Variants in ARHGAP20 observed in about 807,000 individuals in gnomAD.
The protein encoded by ARHGAP20 is Rho GTPase activating protein 20.
Under a neutral mutation model 73.7 loss-of-function variants are expected in ARHGAP20, and 34 were observed. That is an observed-to-expected ratio of 0.46 (90% confidence interval 0.35 to 0.61). The LOEUF (loss-of-function observed/expected upper bound fraction) is 0.61, where lower values mean the gene tolerates loss of function less well. Ranked by LOEUF, ARHGAP20 falls within the 20% of genes least tolerant of loss-of-function variation. The pLI is 0.00. For missense variants in ARHGAP20, 1,314 were observed against 1,420.9 expected (o/e 0.92, Z 1.21); for synonymous variants, 523 against 518.2 (o/e 1.01, Z -0.13).
intron 10 of ARHGAP20, 21 bp downstream of exon 10, chr11:110,591,956 A>C (rs200026180): frequency 7.9e-5 from 127 of 1,612,400 alleles, no homozygotes; most frequent in Non-Finnish European, 1.3e-5. Flanking sequence ...CCATCAGTTT[A>C]CAGACCAAAA....
intron 1 of ARHGAP20, among the ~76,000 whole-genome samples, chr11:110,710,516 A>G (rs1950628627): frequency 1.3e-5 from 2 of 152,246 alleles, no homozygotes; most frequent in Admixed American, 6.5e-5. Context: ...TTACAAAAAT[A>G]AAATGCTTTA....
chr11:110,705,606 C>T (rs1045211117), intron 1 of ARHGAP20, among the ~76,000 whole-genome samples: 2 of 152,096 alleles, frequency 1.3e-5, no homozygotes, highest in African/African-American at 2.4e-5. Context: ...TTTAGAGTCA[C>T]AAAAATTAAT....
chr11:110,647,159 TTG>T (rs142318441), intron 2 of ARHGAP20, among the ~76,000 whole-genome samples: 5 of 149,838 alleles, frequency 3.3e-5, no homozygotes, highest in Non-Finnish European at 4.5e-5. Flanking sequence ...TAGATTGATT[TTG>T]TGTGTGTGTG....
intron 2 of ARHGAP20, among the ~76,000 whole-genome samples, chr11:110,673,941 ATTT>A (rs11289312): frequency 0.019 from 2,746 of 144,222 alleles, 77 homozygotes; most frequent in African/African-American, 0.064. Flanking sequence ...AACGAAGGCT[ATTT>A]TTTTTTTTTT....
chr11:110,711,810 C>A (rs559133619), intron 1 of ARHGAP20: 10 of 1,341,822 alleles, frequency 7.5e-6, no homozygotes, highest in Non-Finnish European at 9.5e-6. Flanking sequence ...CCCACTACAG[C>A]CCGCGCGCCT....
At chr11:110,678,945 C>G (rs763468039) in intron 2 of ARHGAP20, among the ~76,000 whole-genome samples, 1 of 152,128 alleles carries the variant, frequency 6.6e-6, no homozygotes, top group Non-Finnish European at 1.5e-5. Context: ...AGATTACAGG[C>G]ATGAGCCACT....
chr11:110,584,865 A>ATAAATGAATATATATGTGAATG (rs1192105999), intron 12 of ARHGAP20, among the ~76,000 whole-genome samples: 6 of 151,140 alleles, frequency 4.0e-5, no homozygotes, highest in African/African-American at 1.2e-4. Flanking sequence ...ATGTGAATAT[A>ATAAATGAATATATATGTGAATG]TAAATGAATA....
At chr11:110,633,810 G>T (rs765074464) in intron 2 of ARHGAP20, among the ~76,000 whole-genome samples, 1 of 152,184 alleles carries the variant, frequency 6.6e-6, no homozygotes, top group Non-Finnish European at 1.5e-5. Flanking sequence ...AATGTACTGA[G>T]TCTGAAATTA....
intron 2 of ARHGAP20, among the ~76,000 whole-genome samples, chr11:110,689,988 T>C (rs760393147): frequency 1.3e-5 from 2 of 151,902 alleles, no homozygotes; most frequent in African/African-American, 2.4e-5. Context: ...TCTATTTCAA[T>C]GTCCATTGAA....
At chr11:110,601,815 C>T (rs1017951041) in intron 9 of ARHGAP20, among the ~76,000 whole-genome samples, 1 of 151,730 alleles carries the variant, frequency 6.6e-6, no homozygotes, top group Non-Finnish European at 1.5e-5. Context: ...GAAACCCCAT[C>T]TCTACTAAAA....
At chr11:110,586,108 A>T in intron 12 of ARHGAP20, 108 bp downstream of exon 12, 1 of 523,860 alleles carries the variant, frequency 1.9e-6, no homozygotes, top group Non-Finnish European at 3.1e-6. Flanking sequence ...ATCTATTTTT[A>T]AACTGGTCCA....
At chr11:110,618,277 G>A (rs2134911127) in intron 4 of ARHGAP20, among the ~76,000 whole-genome samples, 1 of 152,292 alleles carries the variant, frequency 6.6e-6, no homozygotes, top group African/African-American at 2.4e-5. Context: ...AGCAGTTCCA[G>A]TAAAGAAGAA....
At chr11:110,666,538 T>C (rs1029061292) in intron 2 of ARHGAP20, among the ~76,000 whole-genome samples, 9 of 152,172 alleles carry the variant, frequency 5.9e-5, no homozygotes, top group African/African-American at 1.9e-4. Context: ...ACATACCCAA[T>C]TGATTGTAAA....
intron 9 of ARHGAP20, among the ~76,000 whole-genome samples, chr11:110,598,591 T>A (rs1948031311): frequency 6.6e-6 from 1 of 152,226 alleles, no homozygotes; most frequent in South Asian, 2.1e-4. Flanking sequence ...TGTGATTTTT[T>A]AATGTGTTAC....
chr11:110,657,948 AAGGAAGG>A (rs1949507357), intron 2 of ARHGAP20, among the ~76,000 whole-genome samples: 1 of 144,088 alleles, frequency 6.9e-6, no homozygotes, highest in Non-Finnish European at 1.5e-5. Flanking sequence ...GGAAGGAAGG[AAGGAAGG>A]AAGGAAGGAA....
chr11:110,626,098 T>C (rs1681150985), intron 3 of ARHGAP20, among the ~76,000 whole-genome samples: 3 of 152,216 alleles, frequency 2.0e-5, no homozygotes, highest in African/African-American at 4.8e-5. Flanking sequence ...TTATGAATCT[T>C]TAGATTTTTA....
chr11:110,595,125 G>A (rs1947923222), intron 9 of ARHGAP20, among the ~76,000 whole-genome samples: 1 of 151,432 alleles, frequency 6.6e-6, no homozygotes, highest in Non-Finnish European at 1.5e-5. Context: ...AATAAATTAG[G>A]TATTGATGGG....
intron 3 of ARHGAP20, among the ~76,000 whole-genome samples, chr11:110,626,686 G>A (rs559867952): frequency 6.6e-6 from 1 of 151,738 alleles, no homozygotes; most frequent in Non-Finnish European, 1.5e-5. Flanking sequence ...TGAAACCCGG[G>A]TGAAGTTATA....
intron 2 of ARHGAP20, among the ~76,000 whole-genome samples, chr11:110,637,639 C>T (rs1331674253): frequency 6.6e-6 from 1 of 152,056 alleles, no homozygotes; most frequent in African/African-American, 2.4e-5. Flanking sequence ...GGCATAGGAA[C>T]TAGATTGGGT....
Sources: allele counts gnomAD v4.1 joint callset (sites outside exome capture counted in the v4.1 genomes callset), GRCh38; gene constraint gnomAD v4.1.1; transcripts MANE v1.5; gene names NCBI Gene and HGNC (gene_info 2026-07-23, HGNC 2026-07-21).